LURAP1L: variants seen among roughly 807,000 people sequenced by gnomAD.
LURAP1L encodes the protein leucine rich adaptor protein 1 like, also known as leucine rich adaptor protein 1-like.
In LURAP1L, 12 loss-of-function variants were observed where a neutral mutation model predicts 13.8. The ratio of observed to expected loss-of-function variants is 0.87; its 90% CI spans 0.56 to 1.41. LURAP1L has a LOEUF of 1.41. LURAP1L is among the 40% of genes most tolerant of loss of function. The pLI is 0.00. For missense variants in LURAP1L, 375 were observed against 292.9 expected (o/e 1.28, Z -2.04); for synonymous variants, 139 against 119.2 (o/e 1.17, Z -1.08).
intron 1 of LURAP1L, among the ~76,000 whole-genome samples, chr9:12,819,441 G>C (rs1221379343): frequency 6.6e-6 from 1 of 152,022 alleles, no homozygotes; most frequent in Admixed American, 6.6e-5. Context: ...TTCAGTTATG[G>C]ATTAACTCCT....
chr9:12,782,206 T>C (rs1819282612), intron 1 of LURAP1L, among the ~76,000 whole-genome samples: 1 of 152,226 alleles, frequency 6.6e-6, no homozygotes, highest in Non-Finnish European at 1.5e-5. Context: ...ATTTCATGGG[T>C]TGTCTCTCCA....
At chr9:12,790,474 C>G (rs1819425640) in intron 1 of LURAP1L, 1 of 152,136 alleles carries the variant, frequency 6.6e-6, no homozygotes, top group Non-Finnish European at 1.5e-5. Flanking sequence ...CCAATGCCTC[C>G]TCTGCATCTC....
chr9:12,777,244 A>C (rs959945907), intron 1 of LURAP1L: 2 of 985,270 alleles, frequency 2.0e-6, no homozygotes, highest in Non-Finnish European at 1.2e-6. Flanking sequence ...ATAATGGAGA[A>C]GCTGGAAAGT....
At chr9:12,801,405 C>G (rs570177319) in intron 1 of LURAP1L, among the ~76,000 whole-genome samples, 25 of 151,872 alleles carry the variant, frequency 1.6e-4, no homozygotes, top group Admixed American at 2.6e-4. Flanking sequence ...AATCCATACC[C>G]CAGTTCCTTA....
In LURAP1L at chr9:12,808,902, G is replaced by C. The variant is rs115691659; in HGVS notation, c.313-12484G>C. On this transcript the variant is annotated intron_variant, in intron 1 of 1. Coordinates refer to ENST00000319264, the MANE Select transcript of LURAP1L (RefSeq NM_203403.2). ...TTGCTATAAAGGAATACCTGAGACT[G>C]GTTAATGTATAAAGAAAACAGATTC... is the stretch of plus-strand genomic sequence containing the variant. Among the ~76,000 whole-genome samples the C allele has an allele frequency of 6.1e-3, 924 of 152,212 alleles. 9 individuals are homozygous for C. The highest frequency in any genetic ancestry group is 0.02 in the African/African-American group (833 of 41,528).
intron 1 of LURAP1L, among the ~76,000 whole-genome samples, chr9:12,778,952 T>C (rs1367571853): frequency 1.3e-5 from 2 of 152,224 alleles, no homozygotes; most frequent in Admixed American, 6.5e-5. Flanking sequence ...ATAGACTGTT[T>C]AGTCCTATGC....
At chr9:12,781,894 T>C (rs1003871503) in intron 1 of LURAP1L, among the ~76,000 whole-genome samples, 2 of 152,206 alleles carry the variant, frequency 1.3e-5, no homozygotes, top group African/African-American at 4.8e-5. Context: ...AAGGGTTCCC[T>C]TTTGTCCATA....
chr9:12,803,120 A>G (rs1489029620), intron 1 of LURAP1L, among the ~76,000 whole-genome samples: 2 of 152,210 alleles, frequency 1.3e-5, no homozygotes, highest in African/African-American at 4.8e-5. Context: ...CACTTTAGAA[A>G]CTAGGATTAT....
At position 12,821,834 on chromosome 9, in the gene LURAP1L, T is replaced by C; in HGVS notation, c.*74T>C. 1.3e-6 allele frequency: 2 copies of C among 1,501,506 alleles called. No homozygotes were observed. Among genetic ancestry groups the C allele is most frequent in the Non-Finnish European group, 8.9e-7 (1 of 1,125,508 alleles). 93.0% of individuals were successfully genotyped at this position (1,501,506 alleles called of 1,614,324 possible). ...TTCTTCTCCGCTGCTATATTTTTGG[T>C]GTGATTTTTATTTTAATAAGATGAC... On this transcript the variant is annotated 3_prime_UTR_variant, in exon 2 of 2. Coordinates refer to ENST00000319264, the MANE Select transcript of LURAP1L (RefSeq NM_203403.2).
Position 12,788,187 on chromosome 9 carries a change from GAA to G in LURAP1L, c.312+12162_312+12163del, listed in dbSNP as rs141752248. The stretch of plus-strand genomic sequence containing the variant: ...AGAAAGAAAGAAAGAAAGAAAGAAA[GAA>G]AGAAAAGAAAAGAAAAGAAAAGCTC... On this transcript the variant is annotated intron_variant, in intron 1 of 1. Transcript: ENST00000319264. Among the ~76,000 whole-genome samples the G allele has an allele frequency of 2.5e-3, 346 of 136,702 alleles. 1 individual carries two copies. Among genetic ancestry groups the G allele is most frequent in the African/African-American group, 8.7e-3 (326 of 37,442 alleles). 89.7% of individuals were successfully genotyped at this position (136,702 alleles called of 152,430 possible). A position where few individuals can be genotyped will look rare whatever the true frequency, so the allele number is the denominator to read the frequency against.
chr9:12,787,480 CAG>C (rs1392079570), intron 1 of LURAP1L, among the ~76,000 whole-genome samples: 1 of 152,062 alleles, frequency 6.6e-6, no homozygotes, highest in African/African-American at 2.4e-5. Context: ...GGCAAAAAGA[CAG>C]AGTCAGTAAT....
At chr9:12,806,097 C>A (rs569778041) in intron 1 of LURAP1L, among the ~76,000 whole-genome samples, 2 of 152,266 alleles carry the variant, frequency 1.3e-5, no homozygotes, top group Admixed American at 6.5e-5. Flanking sequence ...CACTATGCAC[C>A]TTTAGGGCAA....
chr9:12,781,946 C>G (rs1052976670), intron 1 of LURAP1L, among the ~76,000 whole-genome samples: 6 of 152,086 alleles, frequency 3.9e-5, no homozygotes, highest in Non-Finnish European at 2.9e-5. Flanking sequence ...TGGATAAAAG[C>G]CATTATAACT....
chr9:12,781,913 G>A (rs998819298), intron 1 of LURAP1L, among the ~76,000 whole-genome samples: 2 of 152,018 alleles, frequency 1.3e-5, no homozygotes, highest in Non-Finnish European at 2.9e-5. Context: ...TATCCTCACC[G>A]GCATTAATTA....
chr9:12,811,495 G>A (rs941368230), intron 1 of LURAP1L, among the ~76,000 whole-genome samples: 3 of 152,144 alleles, frequency 2.0e-5, no homozygotes, highest in African/African-American at 7.2e-5. Context: ...CTGTAGATGC[G>A]AATGGCTCTT....
At chr9:12,776,469 C>G (rs549772914) in intron 1 of LURAP1L, among the ~76,000 whole-genome samples, 2 of 152,086 alleles carry the variant, frequency 1.3e-5, no homozygotes. Context: ...TCCTGGTTTG[C>G]CGGGAGGTGG....
chr9:12,802,257 G>T (rs2118515621), intron 1 of LURAP1L, among the ~76,000 whole-genome samples: 1 of 152,264 alleles, frequency 6.6e-6, no homozygotes, highest in Admixed American at 6.5e-5. Flanking sequence ...GATATGGTTT[G>T]GATCTGTGTC....
intron 1 of LURAP1L, among the ~76,000 whole-genome samples, chr9:12,776,410 G>A (rs887983635): frequency 2.0e-5 from 3 of 152,102 alleles, no homozygotes; most frequent in Admixed American, 1.3e-4. Flanking sequence ...TAACACTTCG[G>A]GTAGGTTCAA....
At position 12,775,877 on chromosome 9, in the gene LURAP1L, C is replaced by CGGCGGCGGG; in HGVS notation, c.165_166insGGCGGGGGC (p.Gly53_Gly55dup). The stretch of plus-strand genomic sequence containing the variant: ...GCGGTGGTGGTGGCGGCGGCGGCGG[C>CGGCGGCGGG]GGCTGCAGTAGCAGCAGCAGCTACT... On this transcript the variant is annotated inframe_insertion, in exon 1 of 2. Coordinates refer to ENST00000319264, the MANE Select transcript of LURAP1L (RefSeq NM_203403.2). 3 of 1,577,698 alleles carry CGGCGGCGGG rather than the reference C, an allele frequency of 1.9e-6. No homozygotes were observed. The highest frequency in any genetic ancestry group is 2.6e-6 in the Non-Finnish European group (3 of 1,161,940).
Sources: gnomAD v4.1 joint callset for allele counts (sites outside exome capture counted in the v4.1 genomes callset) on GRCh38, gnomAD v4.1.1 for gene constraint, MANE v1.5 for transcripts, NCBI Gene and HGNC (gene_info 2026-07-23, HGNC 2026-07-21) for gene names.